PARD6G: variants seen among roughly 807,000 people sequenced by gnomAD.
PARD6G encodes par-6 family cell polarity regulator gamma, also known as partitioning defective 6 homolog gamma.
Under a neutral mutation model 10.7 loss-of-function variants are expected in PARD6G, and 7 were observed. That is an observed-to-expected ratio of 0.66 (90% CI 0.37 to 1.23). PARD6G has a LOEUF of 1.23. Among genes scored for constraint, PARD6G ranks in the 50% most tolerant of loss-of-function variants. The pLI is 0.02. For synonymous variants in PARD6G, 287 were observed against 269.4 expected (o/e 1.07, Z -0.64); for missense variants, 548 against 571.8 (o/e 0.96, Z 0.42).
intron 1 of PARD6G, among the ~76,000 whole-genome samples, chr18:80,242,780 C>T (rs2145309591): frequency 6.6e-6 from 1 of 152,144 alleles, no homozygotes; most frequent in South Asian, 2.1e-4. Flanking sequence ...ACACAAATAG[C>T]CAATAAATAC....
chr18:80,214,904 C>G (rs753026812), intron 1 of PARD6G, among the ~76,000 whole-genome samples: 1 of 151,928 alleles, frequency 6.6e-6, no homozygotes, highest in African/African-American at 2.4e-5. Context: ...GAGGTCCATA[C>G]CTAGACACAT....
At chr18:80,226,168 T>G (rs1475843735) in intron 1 of PARD6G, among the ~76,000 whole-genome samples, 17 of 140,390 alleles carry the variant, frequency 1.2e-4, no homozygotes, top group African/African-American at 2.4e-4. Context: ...TTTTTTTTTT[T>G]TTTTTTTTTT....
rs1967006680 is a variant in PARD6G at position 80,201,501 on chromosome 18, G to A, written c.295+1209C>T. Among the ~76,000 whole-genome samples the A allele has an allele frequency of 6.6e-6, 1 of 152,238 alleles. No individual in the cohort carries two copies. Among genetic ancestry groups the A allele is most frequent in the Admixed American group, 6.5e-5 (1 of 15,286 alleles). On this transcript the variant is annotated intron_variant, in intron 2 of 2. Coordinates refer to ENST00000353265, the MANE Select transcript of PARD6G (RefSeq NM_032510.4). The surrounding 1 kb of genome is among the most constrained non-coding windows in gnomAD (Gnocchi z 5.9). ...AGCTCAGCCCGTCCCCCAGGCCACTGTGAGGAAGTGACAGCTGTGTTGACT... is the reference window on the plus strand; with the variant it reads ...AGCTCAGCCCGTCCCCCAGGCCACTATGAGGAAGTGACAGCTGTGTTGACT...
In PARD6G at chr18:80,246,805, C is replaced by T. The variant is rs1967555490; in HGVS notation, c.72+472G>A. 1.3e-5 allele frequency among the ~76,000 whole-genome samples: 2 copies of T among 151,996 alleles called. No individual in the cohort carries two copies. The highest frequency in any genetic ancestry group is 2.1e-4 in the South Asian group (1 of 4,836). ...CGGGCTCGGAGCCGGCGGCAAGTCT[C>T]CTCCTGGCAGGTAACAAGCCTCCTT... is the stretch of plus-strand genomic sequence containing the variant. On this transcript the variant is annotated intron_variant, in intron 1 of 2. Coordinates refer to ENST00000353265, the MANE Select transcript of PARD6G (RefSeq NM_032510.4). The surrounding 1 kb of genome is among the most constrained non-coding windows in gnomAD (Gnocchi z 6.7).
chr18:80,223,980 A>G (rs1258145926), intron 1 of PARD6G, among the ~76,000 whole-genome samples: 1 of 152,196 alleles, frequency 6.6e-6, no homozygotes, highest in Non-Finnish European at 1.5e-5. Flanking sequence ...AATGGACCCA[A>G]CAGTGTTGGC....
chr18:80,226,151 GTTTTTTTTTTTTTTTTTTTT>G (rs10606939), intron 1 of PARD6G, among the ~76,000 whole-genome samples: 3 of 76,568 alleles, frequency 3.9e-5, no homozygotes, highest in African/African-American at 1.6e-4. Context: ...AATGACTTCA[GTTTTTTTTTTTTTTTTTTTT>G]TTTTTTTTTT....
At chr18:80,190,281 G>A (rs922606325) in intron 2 of PARD6G, among the ~76,000 whole-genome samples, 2 of 152,200 alleles carry the variant, frequency 1.3e-5, no homozygotes, top group Non-Finnish European at 2.9e-5. Context: ...CAAACAATCC[G>A]GGCTCAGGTG....
intron 2 of PARD6G, among the ~76,000 whole-genome samples, chr18:80,172,883 G>T (rs573494283): frequency 1.3e-5 from 2 of 152,116 alleles, no homozygotes; most frequent in African/African-American, 4.8e-5. Context: ...TGCTTTTGTT[G>T]TTATATTTAA....
At chr18:80,244,754 C>G (rs1243722957) in intron 1 of PARD6G, among the ~76,000 whole-genome samples, 1 of 152,190 alleles carries the variant, frequency 6.6e-6, no homozygotes, top group Non-Finnish European at 1.5e-5. Context: ...ATTTTCCCCA[C>G]AAACCAAACC....
At chr18:80,211,720 A>G (rs1406367393) in intron 1 of PARD6G, among the ~76,000 whole-genome samples, 1 of 152,234 alleles carries the variant, frequency 6.6e-6, no homozygotes, top group Non-Finnish European at 1.5e-5. Context: ...ATATTATTCC[A>G]TCTTCAAAAG....
chr18:80,236,849 A>G (rs1967429267), intron 1 of PARD6G, among the ~76,000 whole-genome samples: 1 of 152,196 alleles, frequency 6.6e-6, no homozygotes, highest in Non-Finnish European at 1.5e-5. Context: ...GAAATAAAAG[A>G]GGATACAAAC....
intron 2 of PARD6G, among the ~76,000 whole-genome samples, chr18:80,197,224 A>G (rs1966966183): frequency 6.6e-6 from 1 of 152,204 alleles, no homozygotes; most frequent in Non-Finnish European, 1.5e-5. Flanking sequence ...TAAAAACCAA[A>G]CATACCTCTA....
chr18:80,202,699 C>T lies in PARD6G; in HGVS notation c.295+11G>A. On this transcript the variant is annotated intron_variant, in intron 2 of 2. Transcript: ENST00000353265. ...CAACAAGACCAGCCGGCCACTCAAC[C>T]ACTTCAGTACCTCGTTTCTGGATGA... is the stretch of plus-strand genomic sequence containing the variant. 6.2e-7 allele frequency: 1 copy of T among 1,609,052 alleles called. No individual in the cohort carries two copies. The highest frequency in any genetic ancestry group is 1.1e-5 in the South Asian group (1 of 90,814).
At chr18:80,194,581 G>C (rs927361336) in intron 2 of PARD6G, among the ~76,000 whole-genome samples, 5 of 152,090 alleles carry the variant, frequency 3.3e-5, no homozygotes, top group Non-Finnish European at 5.9e-5. Context: ...CATGAGCTAT[G>C]GACATTCACC....
At chr18:80,166,761 CCCTCCCTGCAGA>C (rs2052738929) in intron 2 of PARD6G, among the ~76,000 whole-genome samples, 2 of 151,740 alleles carry the variant, frequency 1.3e-5, no homozygotes, top group African/African-American at 4.8e-5. Context: ...GAGTGCATAG[CCCTCCCTGCAGA>C]CCAGGAAGGT....
rs1020624381 is a variant in PARD6G at position 80,183,349 on chromosome 18, C to T, written c.295+19361G>A. ...CGAAAGACAAAAAACCACCAGCATC[C>T]GTCTTCTTCCTTTCCAGCCAGACAA... On this transcript the variant is annotated intron_variant, in intron 2 of 2. Coordinates refer to ENST00000353265, the MANE Select transcript of PARD6G (RefSeq NM_032510.4). The surrounding 1 kb of genome is among the most constrained non-coding windows in gnomAD (Gnocchi z 4.5). Among the ~76,000 whole-genome samples the T allele has an allele frequency of 3.3e-5, 5 of 152,152 alleles. No homozygotes were observed. Among genetic ancestry groups the T allele is most frequent in the Non-Finnish European group, 7.3e-5 (5 of 68,034 alleles).
chr18:80,228,664 C>A lies in PARD6G; in HGVS notation c.72+18613G>T, dbSNP rs76930768. 0.025 allele frequency among the ~76,000 whole-genome samples: 3,803 copies of A among 150,828 alleles called. 153 individuals carry two copies. Among genetic ancestry groups the A allele is most frequent in the African/African-American group, 0.088 (3,611 of 41,006 alleles). ...CCACCTAAGGCCCCGCCCACTGAGGCCCCATCCCCTGCCCACAGACTGCGC... is the reference window on the plus strand; with the variant it reads ...CCACCTAAGGCCCCGCCCACTGAGGACCCATCCCCTGCCCACAGACTGCGC... On this transcript the variant is annotated intron_variant, in intron 1 of 2. Transcript: ENST00000353265. The surrounding 1 kb of genome is among the most constrained non-coding windows in gnomAD (Gnocchi z 4.6).
intron 1 of PARD6G, among the ~76,000 whole-genome samples, chr18:80,225,927 C>T (rs1967283950): frequency 6.6e-6 from 1 of 152,148 alleles, no homozygotes; most frequent in African/African-American, 2.4e-5. Context: ...GGATGTCTAA[C>T]TCTGCACATC....
intron 1 of PARD6G, among the ~76,000 whole-genome samples, chr18:80,243,923 A>G (rs1967515632): frequency 1.3e-5 from 2 of 152,132 alleles, no homozygotes; most frequent in Non-Finnish European, 2.9e-5. Context: ...TGGGCTGAGC[A>G]CACTGCTGGG....
Sources: allele counts gnomAD v4.1 joint callset (sites outside exome capture counted in the v4.1 genomes callset), GRCh38; gene constraint gnomAD v4.1.1; non-coding constraint Gnocchi (gnomAD v3.1); transcripts MANE v1.5; gene names NCBI Gene and HGNC (gene_info 2026-07-23, HGNC 2026-07-21).